Variants in ASH1L observed in about 807,000 individuals in gnomAD.
ASH1L encodes histone-lysine N-methyltransferase ASH1L.
A neutral mutation model predicts 269.0 loss-of-function variants in ASH1L; 23 were observed. The ratio of observed to expected loss-of-function variants is 0.09; its 90% CI spans 0.06 to 0.12. The LOEUF (loss-of-function observed/expected upper bound fraction) is 0.12. Ranked by LOEUF, ASH1L falls within the 10% of genes least tolerant of loss-of-function variation. The pLI is 1.00. For synonymous variants in ASH1L, 1,187 were observed against 1,253.5 expected, an observed-to-expected ratio of 0.95 and a Z score of 1.12; for missense variants, 2,912 against 3,567.8, an observed-to-expected ratio of 0.82 and a Z score of 4.68.
At chr1:155,354,932 AAG>A (rs1188366679) in intron 15 of ASH1L, among the ~76,000 whole-genome samples, 5 of 152,222 alleles carry the variant, frequency 3.3e-5, no homozygotes, top group African/African-American at 1.2e-4. Context: ...TGTCAAGATG[AAG>A]TAGGGTCTCA....
chr1:155,448,314 A>G (rs1663183228), intron 4 of ASH1L, among the ~76,000 whole-genome samples: 1 of 152,152 alleles, frequency 6.6e-6, no homozygotes, highest in East Asian at 1.9e-4. Flanking sequence ...AGCTTTGGCT[A>G]TTCTGGGTTA....
At chr1:155,537,410 T>C (rs1217399333) in intron 1 of ASH1L, among the ~76,000 whole-genome samples, 1 of 152,228 alleles carries the variant, frequency 6.6e-6, no homozygotes, top group Non-Finnish European at 1.5e-5. Flanking sequence ...TATTGTCTCA[T>C]TTGTTTCATT....
At chr1:155,408,606 C>A (rs944040970) in intron 6 of ASH1L, among the ~76,000 whole-genome samples, 1 of 152,120 alleles carries the variant, frequency 6.6e-6, no homozygotes, top group African/African-American at 2.4e-5. Context: ...CAGGGAAGTG[C>A]TCAAAGATAA....
chr1:155,562,260 T>TC lies in ASH1L; in HGVS notation c.-208dup. ...CTTCCCTGGGTCCACGGCGGATCCC[T>TC]CCCGCTTGTCAGGAGGCGGCCAGCG... On this transcript the variant is annotated 5_prime_UTR_variant, in exon 1 of 28. Transcript: ENST00000392403. 1.2e-6 allele frequency: 2 copies of TC among 1,610,014 alleles called. No individual in the cohort carries two copies. Among genetic ancestry groups the TC allele is most frequent in the Non-Finnish European group, 1.7e-6 (2 of 1,176,872 alleles).
chr1:155,370,678 CAATT>C lies in ASH1L; in HGVS notation c.6540-32_6540-29del, dbSNP rs549399206. ...AAAGAGAAGATAAATGATTGAAAGA[CAATT>C]AAAGAGTAGCTGAAAGTAAATTTCA... On this transcript the variant is annotated intron_variant, in intron 11 of 27. Coordinates refer to ENST00000392403, the MANE Select transcript of ASH1L (RefSeq NM_018489.3). 267 of 1,612,924 alleles carry C rather than the reference CAATT, an allele frequency of 1.7e-4. No individual in the cohort carries two copies. The African/African-American group carries it at 3.3e-3, about 20-fold the overall frequency.
At chr1:155,411,022 T>C (rs934348019) in intron 6 of ASH1L, among the ~76,000 whole-genome samples, 1 of 152,188 alleles carries the variant, frequency 6.6e-6, no homozygotes, top group Non-Finnish European at 1.5e-5. Context: ...CTACGGACTT[T>C]GGGTAATAAT....
In ASH1L at chr1:155,362,089, G is replaced by A. The variant is rs914172691; in HGVS notation, c.6687-1680C>T. 3.9e-5 allele frequency among the ~76,000 whole-genome samples: 6 copies of A among 151,938 alleles called. 1 individual carries two copies. Among genetic ancestry groups the A allele is most frequent in the South Asian group, 4.2e-4 (2 of 4,818 alleles). ...TCTTGCTCTGTCCCCAGGCTGGAGT[G>A]CAGTGGCAGAATCTCGGCTCACTGC... On this transcript the variant is annotated intron_variant, in intron 12 of 27. Transcript: ENST00000392403.
chr1:155,482,840 GGTC>G (rs1666051956), intron 2 of ASH1L, among the ~76,000 whole-genome samples: 1 of 151,992 alleles, frequency 6.6e-6, no homozygotes, highest in Non-Finnish European at 1.5e-5. Context: ...AGTATCCTAT[GGTC>G]GTCATCTAAA....
intron 2 of ASH1L, among the ~76,000 whole-genome samples, chr1:155,492,429 G>A (rs185411833): frequency 2.6e-5 from 4 of 152,118 alleles, no homozygotes; most frequent in East Asian, 1.9e-4. Context: ...GTTTCTTTTC[G>A]TTTTTCCTTT....
intron 1 of ASH1L, among the ~76,000 whole-genome samples, chr1:155,536,993 C>T (rs937871961): frequency 2.0e-5 from 3 of 148,212 alleles, no homozygotes; most frequent in African/African-American, 5.0e-5. Flanking sequence ...TGCAGAGAGC[C>T]GAGGTCACAC....
chr1:155,540,460 A>C (rs1037786765), intron 1 of ASH1L, among the ~76,000 whole-genome samples: 2 of 152,086 alleles, frequency 1.3e-5, no homozygotes, highest in African/African-American at 2.4e-5. Context: ...AAGAGCAAAT[A>C]ACCACCACCA....
In ASH1L at chr1:155,481,976, T is replaced by C. The variant is rs747969349; in HGVS notation, c.894A>G (p.Gly298=). 8 of 1,614,022 alleles carry C rather than the reference T, an allele frequency of 5.0e-6. No individual in the cohort carries two copies. The highest frequency in any genetic ancestry group is 2.7e-5 in the African/African-American group (2 of 74,924). The change falls in exon 3 of 28, where the codon GGA becomes GGG. Residue 298 remains glycine, a synonymous_variant. Coordinates refer to ENST00000392403, the MANE Select transcript of ASH1L (RefSeq NM_018489.3). ...GKKPVFNAAV[G]LVNKDSVKKL... is the part of the protein sequence containing the mutation. ...TTTTCACAGAGTCCTTATTGACCAA[T>C]CCTACTGCTGCATTAAACACTGGCT...
intron 6 of ASH1L, among the ~76,000 whole-genome samples, chr1:155,414,518 A>C (rs1660051725): frequency 6.6e-6 from 1 of 152,168 alleles, no homozygotes; most frequent in Non-Finnish European, 1.5e-5. Context: ...CATGTTGGTC[A>C]GGCTGGTCTC....
rs755635578 is a variant in ASH1L, at chr1:155,477,910, C to T, written c.4960G>A (p.Glu1654Lys). The T allele has an allele frequency of 4.3e-6, 7 of 1,612,424 alleles. No individual in the cohort carries two copies. Among genetic ancestry groups the T allele is most frequent in the Non-Finnish European group, 5.9e-6 (7 of 1,178,734 alleles). ...LHRKESLPSNERAVQTLAGSQ... is the reference protein window; with the variant it reads ...LHRKESLPSNKRAVQTLAGSQ... ...CCTGCCAAAGTCTGTACTGCCCTTT[C>T]GTTAGAAGGCAGTGACTCCTTTCTG... The change falls in exon 3 of 28, where the codon GAA becomes AAA. Residue 1654 changes from glutamate (E) to lysine (K), a missense_variant. This residue lies in a region of ASH1L where 789 missense variants were observed against 897.6 expected (regional missense o/e 0.88). Coordinates refer to ENST00000392403, the MANE Select transcript of ASH1L (RefSeq NM_018489.3).
At chr1:155,348,884 TAA>T (rs66853194) in intron 19 of ASH1L, among the ~76,000 whole-genome samples, 1,077 of 91,736 alleles carry the variant, frequency 0.012, 12 homozygotes, top group African/African-American at 0.034. Context: ...CTGTCTCATT[TAA>T]AAAAAAAAAA....
rs192350065 is a variant in ASH1L, at chr1:155,477,426, A to G, written c.4984+460T>C. Among the ~76,000 whole-genome samples the G allele has an allele frequency of 1.0e-3, 152 of 152,224 alleles. 1 individual carries two copies. In the East Asian group the frequency reaches 0.026, roughly 26 times the overall value. On this transcript the variant is annotated intron_variant, in intron 3 of 27. Transcript: ENST00000392403. ...TTTTATTATGAGACATACAGTATTA[A>G]TAACATATTCTTCCTGTAACAAAGA...
At chr1:155,468,057 C>T (rs190700349) in intron 3 of ASH1L, among the ~76,000 whole-genome samples, 6 of 151,944 alleles carry the variant, frequency 3.9e-5, no homozygotes, top group Non-Finnish European at 8.8e-5. Flanking sequence ...AATTTTTTTC[C>T]ACTCATGTCC....
At chr1:155,546,615 G>A (rs973494669) in intron 1 of ASH1L, among the ~76,000 whole-genome samples, 1 of 151,362 alleles carries the variant, frequency 6.6e-6, no homozygotes, top group African/African-American at 2.4e-5. Flanking sequence ...AAAATTAGCT[G>A]GGCATGCTGG....
chr1:155,553,269 C>T (rs897780052), intron 1 of ASH1L, among the ~76,000 whole-genome samples: 1 of 152,176 alleles, frequency 6.6e-6, no homozygotes, highest in Non-Finnish European at 1.5e-5. Flanking sequence ...AACTAGAATG[C>T]TGAGTGGGTT....
Sources: allele counts gnomAD v4.1 joint callset (sites outside exome capture counted in the v4.1 genomes callset), GRCh38; gene constraint gnomAD v4.1.1; regional missense constraint gnomAD v4.1.1; transcripts MANE v1.5; gene names NCBI Gene and HGNC (gene_info 2026-07-23, HGNC 2026-07-21).